Variants in C1orf21 observed in about 807,000 individuals in gnomAD.
The protein encoded by C1orf21 is chromosome 1 open reading frame 21.
A neutral mutation model predicts 18.7 loss-of-function variants in C1orf21; 3 were observed. That is an observed-to-expected ratio of 0.16 (90% CI 0.07 to 0.42). The LOEUF (loss-of-function observed/expected upper bound fraction) is 0.42. C1orf21 is among the 10% of genes least tolerant of loss of function. C1orf21 has a pLI of 0.99. For missense variants in C1orf21, 104 were observed against 143.6 expected, an observed-to-expected ratio of 0.72 and a Z score of 1.41; for synonymous variants, 41 against 46.4, an observed-to-expected ratio of 0.88 and a Z score of 0.47.
intron 3 of C1orf21, among the ~76,000 whole-genome samples, chr1:184,563,417 A>C (rs1200552299): frequency 2.0e-5 from 3 of 152,226 alleles, no homozygotes. Context: ...GTTTTAATTA[A>C]AAATTACAAG....
chr1:184,460,415 A>G (rs1657283593), intron 1 of C1orf21, among the ~76,000 whole-genome samples: 1 of 152,166 alleles, frequency 6.6e-6, no homozygotes, highest in African/African-American at 2.4e-5. Flanking sequence ...CTAAGGCTGG[A>G]GATGTTATAA....
chr1:184,427,185 G>A (rs1320999444), intron 1 of C1orf21, among the ~76,000 whole-genome samples: 1 of 152,180 alleles, frequency 6.6e-6, no homozygotes, highest in African/African-American at 2.4e-5. Context: ...AAACCAGGGT[G>A]TAAAAGTTAA....
chr1:184,567,129 C>T, intron 3 of C1orf21: 1 of 472,716 alleles, frequency 2.1e-6, no homozygotes, highest in African/African-American at 2.0e-5. Flanking sequence ...CAGTCTCCAA[C>T]AGAGCCCTGC....
Position 184,505,593 on chromosome 1 carries a change from C to T in C1orf21, c.95-1995C>T, listed in dbSNP as rs1468921229. 2.6e-5 allele frequency among the ~76,000 whole-genome samples: 4 copies of T among 151,744 alleles called. No individual in the cohort carries two copies. In the East Asian group the frequency reaches 7.8e-4, roughly 29 times the overall value. ...CCCTGGCCAACATGGTAAAACCCGT[C>T]TCTACTAAAAATACAAAAAATTAGC... On this transcript the variant is annotated intron_variant, in intron 2 of 5. Coordinates refer to ENST00000235307, the MANE Select transcript of C1orf21 (RefSeq NM_030806.4).
chr1:184,585,702 T>C (rs1332548062), intron 3 of C1orf21, among the ~76,000 whole-genome samples: 1 of 152,226 alleles, frequency 6.6e-6, no homozygotes, highest in African/African-American at 2.4e-5. Flanking sequence ...CTCCCACTTA[T>C]AATTGGGAAC....
At chr1:184,500,684 C>T (rs904249016) in intron 2 of C1orf21, among the ~76,000 whole-genome samples, 4 of 152,144 alleles carry the variant, frequency 2.6e-5, no homozygotes, top group African/African-American at 7.2e-5. Flanking sequence ...GTGCTGTGTT[C>T]GTTGTAATTC....
chr1:184,407,199 TC>T (rs1656262273), intron 1 of C1orf21, among the ~76,000 whole-genome samples: 1 of 152,148 alleles, frequency 6.6e-6, no homozygotes, highest in Non-Finnish European at 1.5e-5. Flanking sequence ...GGTCTTGAAC[TC>T]CTGGTCTCAA....
chr1:184,531,531 T>C (rs181513886), intron 3 of C1orf21, among the ~76,000 whole-genome samples: 14 of 152,350 alleles, frequency 9.2e-5, no homozygotes, highest in Non-Finnish European at 1.9e-4. Flanking sequence ...ATAACAGCTG[T>C]TTCCTGAATA....
chr1:184,537,280 G>A lies in C1orf21; in HGVS notation c.189+29598G>A, dbSNP rs1271316140. Among the ~76,000 whole-genome samples the A allele has an allele frequency of 2.0e-5, 3 of 152,116 alleles. No individual in the cohort carries two copies. In the South Asian group the frequency reaches 6.2e-4, roughly 32 times the overall value. On this transcript the variant is annotated intron_variant, in intron 3 of 5. Transcript: ENST00000235307. ...ACTGAAATTCTGTACCCATTACACA[G>A]TAACTTCCCATTCCTCCTTCCCCAC...
At chr1:184,539,859 C>T (rs1228867090) in intron 3 of C1orf21, 2 of 152,202 alleles carry the variant, frequency 1.3e-5, no homozygotes, top group African/African-American at 4.8e-5. Flanking sequence ...CAGAATTCTA[C>T]AATCTCCATT....
chr1:184,593,892 A>G (rs1036587766), intron 4 of C1orf21, among the ~76,000 whole-genome samples: 1 of 152,232 alleles, frequency 6.6e-6, no homozygotes, highest in South Asian at 2.1e-4. Flanking sequence ...ATTACATAGA[A>G]CATGACGCAC....
rs965210972 is a variant in C1orf21, at chr1:184,627,894, G to A, written c.*8338G>A. 1.1e-4 allele frequency: 16 copies of A among 152,180 alleles called. No individual in the cohort carries two copies. Among genetic ancestry groups the A allele is most frequent in the African/African-American group, 3.6e-4 (15 of 41,404 alleles). 9.4% of individuals were successfully genotyped at this position (152,180 alleles called of 1,614,324 possible). On this transcript the variant is annotated 3_prime_UTR_variant, in exon 6 of 6. Transcript: ENST00000235307. ...TTTACCTCTCCCCATTTTCTGCCCT[G>A]GCCCACTTCCCACTCACCTCCACCT...
chr1:184,596,896 A>G lies in C1orf21; in HGVS notation c.267-1505A>G, dbSNP rs558847637. ...CTCAAAAAAAAAAAAAAAGAAAGAA[A>G]GAAAAGAAAAGAAAGAAGTGTTTAT... is the stretch of plus-strand genomic sequence containing the variant. On this transcript the variant is annotated intron_variant, in intron 4 of 5. Coordinates refer to ENST00000235307, the MANE Select transcript of C1orf21 (RefSeq NM_030806.4). Among the ~76,000 whole-genome samples, 7 of 151,958 alleles carry G rather than the reference A, an allele frequency of 4.6e-5. 1 individual carries two copies. The South Asian group carries it at 1.2e-3, about 27-fold the overall frequency.
At position 184,624,642 on chromosome 1, in the gene C1orf21, T is replaced by A. The variant is rs1659977312; in HGVS notation, c.*5086T>A. 6.6e-6 allele frequency: 1 copy of A among 152,244 alleles called. No individual in the cohort carries two copies. The highest frequency in any genetic ancestry group is 1.5e-5 in the Non-Finnish European group (1 of 68,046). 9.4% of individuals were successfully genotyped at this position (152,244 alleles called of 1,614,324 possible). A position where few individuals can be genotyped will look rare whatever the true frequency, so the allele number is the denominator to read the frequency against. ...TTCTTGTGGGCTAGGGTTTGATGTC[T>A]CTTTTTCATCTTTGGACTGGGGATC... On this transcript the variant is annotated 3_prime_UTR_variant, in exon 6 of 6. Coordinates refer to ENST00000235307, the MANE Select transcript of C1orf21 (RefSeq NM_030806.4).
chr1:184,473,600 G>A (rs1657526504), intron 1 of C1orf21, among the ~76,000 whole-genome samples: 1 of 152,174 alleles, frequency 6.6e-6, no homozygotes, highest in African/African-American at 2.4e-5. Flanking sequence ...GTTGGATTGA[G>A]ATTAAGTGAA....
chr1:184,546,748 C>T (rs957660207), intron 3 of C1orf21, among the ~76,000 whole-genome samples: 4 of 152,190 alleles, frequency 2.6e-5, no homozygotes, highest in African/African-American at 9.7e-5. Flanking sequence ...AAGGCAACCT[C>T]CAGGTATATG....
At chr1:184,540,229 C>T (rs1658626414) in intron 3 of C1orf21, 1 of 152,166 alleles carries the variant, frequency 6.6e-6, no homozygotes, top group South Asian at 2.1e-4. Flanking sequence ...AAAACTAGTG[C>T]TCAAATTATT....
At chr1:184,614,888 T>G (rs1054641449) in intron 5 of C1orf21, among the ~76,000 whole-genome samples, 17 of 152,226 alleles carry the variant, frequency 1.1e-4, no homozygotes, top group African/African-American at 4.1e-4. Flanking sequence ...CTCACTCGCC[T>G]GTCGCTCACT....
At position 184,479,452 on chromosome 1, in the gene C1orf21, A is replaced by G. The variant is rs530816232; in HGVS notation, c.94+1849A>G. 5.6e-4 allele frequency among the ~76,000 whole-genome samples: 86 copies of G among 152,240 alleles called. 1 individual carries two copies. The highest frequency in any genetic ancestry group is 2.0e-3 in the African/African-American group (83 of 41,530). On this transcript the variant is annotated intron_variant, in intron 2 of 5. Transcript: ENST00000235307. The stretch of plus-strand genomic sequence containing the variant: ...AATTTTCACAACAATCTTGTGAAAT[A>G]TGTGCTACGCAAATTTTACATACTT...
Sources: gnomAD v4.1 joint callset for allele counts (sites outside exome capture counted in the v4.1 genomes callset) on GRCh38, gnomAD v4.1.1 for gene constraint, MANE v1.5 for transcripts, NCBI Gene and HGNC (gene_info 2026-07-23, HGNC 2026-07-21) for gene names.